The following MMD2 variants were observed in gnomAD, a reference collection of about 807,000 sequenced individuals.
MMD2 encodes monocyte to macrophage differentiation factor 2.
A neutral mutation model predicts 33.5 loss-of-function variants in MMD2; 30 were observed. The ratio of observed to expected loss-of-function variants is 0.90; its 90% CI spans 0.67 to 1.22. The LOEUF (loss-of-function observed/expected upper bound fraction) is 1.22, where lower values mean the gene tolerates loss of function less well. MMD2 is among the 50% of genes most tolerant of loss of function. The pLI is 0.00. For missense variants in MMD2, 364 were observed against 325.4 expected, an observed-to-expected ratio of 1.12 and a Z score of -0.91; for synonymous variants, 129 against 123.0, an observed-to-expected ratio of 1.05 and a Z score of -0.32.
chr7:4,895,915 T>C, the MMD2 span, among the ~76,000 whole-genome samples: 1 of 152,078 alleles, frequency 6.6e-6, no homozygotes, highest in South Asian at 2.1e-4. Context: ...ATTCTAAGCC[T>C]GTTTAGCGTG....
At chr7:4,909,703 T>G (rs1008704288) in intron 6 of MMD2, 178 bp downstream of exon 6, 10 of 838,234 alleles carry the variant, frequency 1.2e-5, no homozygotes, top group Non-Finnish European at 2.0e-5. Flanking sequence ...CCCAAAGGAC[T>G]GGATTATAGG....
intron 2 of MMD2, among the ~76,000 whole-genome samples, chr7:4,923,012 T>A (rs544493459): frequency 1.3e-5 from 2 of 152,174 alleles, no homozygotes; most frequent in African/African-American, 4.8e-5. Context: ...CTTGTGTTTA[T>A]AGCATCAGTG....
At chr7:4,930,577 G>T (rs190186269) in intron 1 of MMD2, among the ~76,000 whole-genome samples, 103 of 150,698 alleles carry the variant, frequency 6.8e-4, no homozygotes, top group African/African-American at 2.5e-3. Context: ...CTGGGAGGCG[G>T]AGGTTGTGCT....
At chr7:4,958,292 C>G (rs1387632623) in intron 1 of MMD2, among the ~76,000 whole-genome samples, 1 of 152,130 alleles carries the variant, frequency 6.6e-6, no homozygotes, top group Non-Finnish European at 1.5e-5. Flanking sequence ...AAGGAGAAAC[C>G]CCCTCCCCAC....
At chr7:4,893,194 T>C in the MMD2 span, among the ~76,000 whole-genome samples, 1 of 151,512 alleles carries the variant, frequency 6.6e-6, no homozygotes, top group Non-Finnish European at 1.5e-5. Flanking sequence ...ACCAGAAAGG[T>C]CCGATCCAGA....
intron 1 of MMD2, among the ~76,000 whole-genome samples, chr7:4,956,122 C>T (rs1412484523): frequency 6.6e-6 from 1 of 151,880 alleles, no homozygotes; most frequent in Non-Finnish European, 1.5e-5. Context: ...CTGGATTATA[C>T]CATTAAATTC....
At chr7:4,926,379 C>T (rs1445481676) in intron 1 of MMD2, among the ~76,000 whole-genome samples, 1 of 152,174 alleles carries the variant, frequency 6.6e-6, no homozygotes, top group Non-Finnish European at 1.5e-5. Context: ...CAGGCGTGAG[C>T]CACCGCTTCC....
chr7:4,942,510 C>T (rs1245733032), intron 1 of MMD2, among the ~76,000 whole-genome samples: 5 of 151,966 alleles, frequency 3.3e-5, no homozygotes, highest in African/African-American at 7.3e-5. Context: ...TCAAGCTATC[C>T]TCCTGCCTCA....
At chr7:4,904,158 C>T (rs1009782122), downstream of MMD2, among the ~76,000 whole-genome samples, 2 of 152,132 alleles carry the variant, frequency 1.3e-5, no homozygotes, top group Non-Finnish European at 2.9e-5. Flanking sequence ...GTCTCGAACT[C>T]CTGACCTCAG....
Position 4,936,045 on chromosome 7 carries a change from C to T in MMD2, c.48-10513G>A, listed in dbSNP as rs866276111. 9.2e-5 allele frequency among the ~76,000 whole-genome samples: 14 copies of T among 151,732 alleles called. No individual in the cohort carries two copies. The South Asian group carries it at 1.0e-3, about 11-fold the overall frequency. ...ACTAAAAATACAAAAACTAGGCAGG[C>T]GTGGTGGTGGGCACCTGTAATCTCA... On this transcript the variant is annotated intron_variant, in intron 1 of 6. Coordinates refer to ENST00000401401, the MANE Select transcript of MMD2 (RefSeq NM_198403.4).
intron 1 of MMD2, 110 bp downstream of exon 1, chr7:4,958,861 C>G: frequency 1.0e-6 from 1 of 960,230 alleles, no homozygotes. Context: ...GTCCGCCGAT[C>G]CCCTCTAGCG....
chr7:4,918,071 T>C (rs916033425), intron 3 of MMD2, among the ~76,000 whole-genome samples: 1 of 152,156 alleles, frequency 6.6e-6, no homozygotes, highest in Non-Finnish European at 1.5e-5. Context: ...ACCAGCCAAG[T>C]GAGGGAGCTT....
intron 1 of MMD2, among the ~76,000 whole-genome samples, chr7:4,956,504 C>T (rs2115168552): frequency 6.6e-6 from 1 of 152,090 alleles, no homozygotes; most frequent in Middle Eastern, 3.4e-3. Flanking sequence ...AAAGACTGCA[C>T]AACGAGGAAG....
rs1785863633 is a variant in MMD2 at position 4,940,113 on chromosome 7, G to T, written c.48-14581C>A. Among the ~76,000 whole-genome samples, 1 of 152,166 alleles carries T rather than the reference G, an allele frequency of 6.6e-6. No individual in the cohort carries two copies. Among genetic ancestry groups the T allele is most frequent in the African/African-American group, 2.4e-5 (1 of 41,452 alleles). ...AAGGTCCGATGACGCCAGGAGAGTG[G>T]CTGCCCTTGACGGTAGTGAGGACTG... On this transcript the variant is annotated intron_variant, in intron 1 of 6. Transcript: ENST00000401401. The surrounding 1 kb of genome is among the most constrained non-coding windows in gnomAD (Gnocchi z 5.0).
At chr7:4,929,719 T>G (rs1005413207) in intron 1 of MMD2, among the ~76,000 whole-genome samples, 9 of 151,860 alleles carry the variant, frequency 5.9e-5, no homozygotes, top group Non-Finnish European at 1.2e-4. Context: ...GAGACAGGTT[T>G]TCACTATGTT....
At chr7:4,943,137 G>A (rs897581124) in intron 1 of MMD2, among the ~76,000 whole-genome samples, 7 of 150,376 alleles carry the variant, frequency 4.7e-5, no homozygotes, top group Admixed American at 2.0e-4. Flanking sequence ...AGTCTCCTGC[G>A]TAGCTGAGAT....
At chr7:4,924,468 G>T (rs1364622249) in intron 2 of MMD2, among the ~76,000 whole-genome samples, 1 of 152,238 alleles carries the variant, frequency 6.6e-6, no homozygotes, top group Admixed American at 6.5e-5. Flanking sequence ...GAATCCAGCA[G>T]GGGTTCTGTT....
chr7:4,911,939 G>A (rs1218614839), intron 4 of MMD2, among the ~76,000 whole-genome samples: 2 of 151,874 alleles, frequency 1.3e-5, no homozygotes, highest in South Asian at 2.1e-4. Context: ...GAGCCACCGC[G>A]CCCGGCCTCC....
At chr7:4,927,617 GA>G (rs1287706993) in intron 1 of MMD2, among the ~76,000 whole-genome samples, 2 of 152,106 alleles carry the variant, frequency 1.3e-5, no homozygotes, top group African/African-American at 4.8e-5. Context: ...TGAGGCAGGA[GA>G]ATCACTTGAA....
Sources: gnomAD v4.1 joint callset for allele counts (sites outside exome capture counted in the v4.1 genomes callset) on GRCh38, gnomAD v4.1.1 for gene constraint, Gnocchi (gnomAD v3.1) non-coding constraint, MANE v1.5 for transcripts, NCBI Gene and HGNC (gene_info 2026-07-23, HGNC 2026-07-21) for gene names.